CDK5RAP2: variants seen among roughly 807,000 people sequenced by gnomAD.
The protein encoded by CDK5RAP2 is CDK5 regulatory subunit associated protein 2.
CDK5RAP2 carries 147 observed loss-of-function variants against 232.9 expected under a neutral mutation model. The observed-to-expected ratio is 0.63, with a 90% confidence interval of 0.55 to 0.72. The LOEUF is 0.72. CDK5RAP2 is among the 30% of genes least tolerant of loss of function. The pLI is 0.00. For synonymous variants in CDK5RAP2, 833 were observed against 833.7 expected (o/e 1.00, Z 0.01); for missense variants, 2,195 against 2,231.5 (o/e 0.98, Z 0.33).
chr9:120,445,153 G>A (rs1327092308), intron 22 of CDK5RAP2, among the ~76,000 whole-genome samples: 1 of 152,174 alleles, frequency 6.6e-6, no homozygotes, highest in Non-Finnish European at 1.5e-5. Flanking sequence ...ATGACCCCAA[G>A]GACACTGCTT....
intron 12 of CDK5RAP2, among the ~76,000 whole-genome samples, chr9:120,500,936 G>C (rs1279076899): frequency 6.6e-6 from 1 of 152,162 alleles, no homozygotes; most frequent in African/African-American, 2.4e-5. Flanking sequence ...GGAGTAAGGG[G>C]GGGCCTGGGA....
At chr9:120,552,029 A>C (rs538954266) in intron 3 of CDK5RAP2, among the ~76,000 whole-genome samples, 1 of 151,930 alleles carries the variant, frequency 6.6e-6, no homozygotes, top group Non-Finnish European at 1.5e-5. Flanking sequence ...AAAAGTGGGC[A>C]AAGGATATGA....
At position 120,453,608 on chromosome 9, in the gene CDK5RAP2, C is replaced by T. The variant is rs766761953; in HGVS notation, c.2641G>A (p.Asp881Asn). 6.0e-5 allele frequency: 97 copies of T among 1,614,034 alleles called. No individual in the cohort carries two copies. The highest frequency in any genetic ancestry group is 1.8e-4 in the Admixed American group (11 of 60,006). The stretch of plus-strand genomic sequence containing the variant: ...GCTTCATGCTTGAATCTCAGCAGGT[C>T]GCCCTCCGTGGCCACAGTCTGCACT... Reference protein sequence around the residue: ...ASVQTVATEGDLLRFKHEATR... With the variant: ...ASVQTVATEGNLLRFKHEATR... The change falls in exon 21 of 38, where the codon GAC becomes AAC. Residue 881 changes from aspartate (D) to asparagine (N), a missense_variant. Transcript: ENST00000349780.
Position 120,393,038 on chromosome 9 carries a change from T to C in CDK5RAP2, c.5578+1474A>G, listed in dbSNP as rs950759962. Among the ~76,000 whole-genome samples, 25 of 152,288 alleles carry C rather than the reference T, an allele frequency of 1.6e-4. 1 individual carries two copies. Among genetic ancestry groups the C allele is most frequent in the African/African-American group, 5.8e-4 (24 of 41,538 alleles). On this transcript the variant is annotated intron_variant, in intron 36 of 37. Coordinates refer to ENST00000349780, the MANE Select transcript of CDK5RAP2 (RefSeq NM_018249.6). ...CTCTCAGAGGAAAACCCTTTGCACG[T>C]CCTAAGCATGTCCCTGAGCACTCAG...
At chr9:120,567,013 A>G (rs1479771833) in intron 3 of CDK5RAP2, among the ~76,000 whole-genome samples, 2 of 152,266 alleles carry the variant, frequency 1.3e-5, no homozygotes, top group East Asian at 1.9e-4. Flanking sequence ...CTTTAATATT[A>G]AAGTAACATA....
At chr9:120,545,842 T>C (rs780537009) in intron 4 of CDK5RAP2, 52 bp from the exon 5 acceptor site, 19 of 1,419,430 alleles carry the variant, frequency 1.3e-5, no homozygotes, top group Non-Finnish European at 1.8e-5. Flanking sequence ...AGAGGACCTA[T>C]GAATGTCAAC....
At chr9:120,579,835 G>A (rs904782724) in intron 1 of CDK5RAP2, 85 bp downstream of exon 1, 37 of 1,145,460 alleles carry the variant, frequency 3.2e-5, no homozygotes, top group Non-Finnish European at 4.6e-5. Context: ...ACCCTCAAGA[G>A]CAAACCCCAA....
rs2038692148 is a variant in CDK5RAP2 at position 120,487,794 on chromosome 9, G to A, written c.1483-357C>T. Among the ~76,000 whole-genome samples the A allele has an allele frequency of 2.6e-5, 4 of 152,180 alleles. No individual in the cohort carries two copies. The South Asian group carries it at 8.3e-4, about 31-fold the overall frequency. On this transcript the variant is annotated intron_variant, in intron 13 of 37. Transcript: ENST00000349780. ...CCAAACCTAGGTTCATCCTGCTCAG[G>A]GTGCGATCTGCTTCCAGTCCTGCAG...
chr9:120,557,193 T>C (rs533268321), intron 3 of CDK5RAP2, among the ~76,000 whole-genome samples: 1 of 152,326 alleles, frequency 6.6e-6, no homozygotes, highest in African/African-American at 2.4e-5. Flanking sequence ...GCACCATCTT[T>C]TCCACCATGG....
At chr9:120,518,692 A>G (rs747005123) in intron 11 of CDK5RAP2, 47 bp from the exon 12 acceptor site, 21 of 1,485,828 alleles carry the variant, frequency 1.4e-5, no homozygotes, top group Non-Finnish European at 1.9e-5. Flanking sequence ...TTCATACCTC[A>G]TGAAACAAAC....
At chr9:120,444,313 G>C (rs934456282) in intron 22 of CDK5RAP2, among the ~76,000 whole-genome samples, 1 of 152,170 alleles carries the variant, frequency 6.6e-6, no homozygotes, top group Admixed American at 6.5e-5. Flanking sequence ...AAGTGCCAGG[G>C]CCTCTGTTGA....
intron 25 of CDK5RAP2, among the ~76,000 whole-genome samples, chr9:120,436,379 G>A (rs1173190365): frequency 3.3e-5 from 5 of 152,174 alleles, no homozygotes; most frequent in African/African-American, 1.2e-4. Flanking sequence ...GGAGACGAGA[G>A]ACACATGACA....
At position 120,539,135 on chromosome 9, in the gene CDK5RAP2, C is replaced by T; in HGVS notation, c.413G>A (p.Gly138Asp). Reference protein sequence around the residue: ...SKAVESLAEAGGSEIQRVKED... With the variant: ...SKAVESLAEADGSEIQRVKED... ...TTTCACCCGCTGGATTTCAGAGCCA[C>T]CTGCTTCAGCTAAGCTCTCAACTGC... The change falls in exon 6 of 38, where the codon GGT becomes GAT. Residue 138 changes from glycine to aspartate, a missense_variant. Transcript: ENST00000349780. 6.2e-7 allele frequency: 1 copy of T among 1,613,998 alleles called. No individual in the cohort carries two copies. The highest frequency in any genetic ancestry group is 8.5e-7 in the Non-Finnish European group (1 of 1,179,894).
Position 120,409,147 on chromosome 9 carries a change from G to T in CDK5RAP2, c.4584C>A (p.Cys1528Ter). 6.2e-7 allele frequency: 1 copy of T among 1,612,258 alleles called. No homozygotes were observed. The part of the protein sequence containing the change: ...HNQQLIQEVR[C>*]SGQELSRVQE... The stretch of plus-strand genomic sequence containing the variant: ...ACTACCTGCTCAGCTCCTGGCCGCT[G>T]CAGCGGACCTCCTGGATCAGCTGCT... The change falls in exon 30 of 38, where the codon TGC becomes TGA. Residue 1528 changes from cysteine (C) to a stop codon, truncating the protein, a stop_gained. Coordinates refer to ENST00000349780, the MANE Select transcript of CDK5RAP2 (RefSeq NM_018249.6). LOFTEE classifies it high-confidence loss of function.
At chr9:120,554,498 C>T (rs1455737475) in intron 3 of CDK5RAP2, among the ~76,000 whole-genome samples, 1 of 152,194 alleles carries the variant, frequency 6.6e-6, no homozygotes, top group African/African-American at 2.4e-5. Context: ...TTTCATGATG[C>T]AACCTAGACA....
chr9:120,453,423 G>T, intron 21 of CDK5RAP2, 33 bp downstream of exon 21: 1 of 1,575,498 alleles, frequency 6.3e-7, no homozygotes, highest in South Asian at 1.1e-5. Flanking sequence ...TTTGGATAAA[G>T]TAAGTACATA....
intron 12 of CDK5RAP2, among the ~76,000 whole-genome samples, chr9:120,510,654 T>C (rs957547379): frequency 2.0e-5 from 3 of 152,200 alleles, no homozygotes; most frequent in African/African-American, 7.2e-5. Context: ...AAGGCAGAGA[T>C]GTGAGGATCC....
At chr9:120,504,115 T>C (rs1310570269) in intron 12 of CDK5RAP2, among the ~76,000 whole-genome samples, 2 of 152,162 alleles carry the variant, frequency 1.3e-5, no homozygotes, top group African/African-American at 2.4e-5. Context: ...TGTGACAATT[T>C]CATATCCAGA....
chr9:120,486,000 C>T (rs2038580541), intron 14 of CDK5RAP2, among the ~76,000 whole-genome samples: 1 of 152,224 alleles, frequency 6.6e-6, no homozygotes, highest in Non-Finnish European at 1.5e-5. Flanking sequence ...ATGATACCCC[C>T]AGGACAAGCT....
Sources: allele counts gnomAD v4.1 joint callset (sites outside exome capture counted in the v4.1 genomes callset), GRCh38; gene constraint gnomAD v4.1.1; transcripts MANE v1.5; gene names NCBI Gene and HGNC (gene_info 2026-07-23, HGNC 2026-07-21).